The following ZNF600 variants were observed in gnomAD, a reference collection of about 807,000 sequenced individuals.
The protein encoded by ZNF600 is zinc finger protein KR-ZNF1.
Under a neutral mutation model 7.3 loss-of-function variants are expected in ZNF600, and 4 were observed. The observed-to-expected ratio is 0.55, with a 90% CI of 0.27 to 1.25. The LOEUF (loss-of-function observed/expected upper bound fraction) is 1.25, where lower values mean the gene tolerates loss of function less well. Ranked by LOEUF, ZNF600 falls within the 50% of genes most tolerant of loss-of-function variation. The probability of loss-of-function intolerance (pLI) is 0.12; values close to 1 mark genes in which losing one functional copy is unlikely to be tolerated. For missense variants in ZNF600, 911 were observed against 922.1 expected (o/e 0.99, Z 0.16); for synonymous variants, 290 against 308.9 (o/e 0.94, Z 0.64).
At chr19:52,801,492 T>A in the ZNF600 span, 3 of 1,614,136 alleles carry the variant, frequency 1.9e-6, no homozygotes, top group Non-Finnish European at 2.5e-6. Context: ...ACCAGTCAAC[T>A]CTTTGATTTC....
intron 2 of ZNF600, among the ~76,000 whole-genome samples, chr19:52,775,238 TC>T (rs1438523021): frequency 6.9e-6 from 1 of 145,140 alleles, no homozygotes; most frequent in Admixed American, 7.0e-5. Context: ...ACACTCCATC[TC>T]AAAAAACAAA....
chr19:52,776,416 C>CTT (rs111582666), intron 2 of ZNF600, among the ~76,000 whole-genome samples: 32 of 146,184 alleles, frequency 2.2e-4, no homozygotes, highest in African/African-American at 8.0e-4. Flanking sequence ...ATACTTCTTA[C>CTT]TTTTTTTTTT....
At chr19:52,811,426 C>T in the ZNF600 span, among the ~76,000 whole-genome samples, 14 of 147,386 alleles carry the variant, frequency 9.5e-5, no homozygotes, top group Non-Finnish European at 1.9e-4. Context: ...TGCCCGGCCG[C>T]CATCCCATCT....
intron 1 of ZNF600, among the ~76,000 whole-genome samples, chr19:52,780,323 G>A (rs1206582264): frequency 6.6e-6 from 1 of 152,176 alleles, no homozygotes; most frequent in Non-Finnish European, 1.5e-5. Flanking sequence ...AGGAAACCCG[G>A]AGAAGATGAT....
the ZNF600 span, among the ~76,000 whole-genome samples, chr19:52,815,466 G>A: frequency 8.9e-5 from 13 of 145,532 alleles, 1 homozygote; most frequent in African/African-American, 3.0e-4. Context: ...GCAGTGAGCC[G>A]AGATCATGCC....
chr19:52,784,037 T>C (rs537142796), intron 1 of ZNF600, among the ~76,000 whole-genome samples: 10 of 152,152 alleles, frequency 6.6e-5, no homozygotes, highest in Middle Eastern at 3.4e-3. Flanking sequence ...ATCGTGCCAG[T>C]GCACTCCAGC....
exon 4 of ZNF600, chr19:52,767,309 G>T (rs140475744): frequency 6.2e-7 from 1 of 1,613,998 alleles, no homozygotes; most frequent in Admixed American, 1.7e-5. Flanking sequence ...GTTTTTGTGG[G>T]AGTAGTGAAG....
the ZNF600 span, among the ~76,000 whole-genome samples, chr19:52,818,259 G>T: frequency 2.9e-4 from 44 of 152,248 alleles, no homozygotes; most frequent in Non-Finnish European, 5.1e-4. Context: ...TCCCCTTCAG[G>T]AAATCTCTAC....
the ZNF600 span, chr19:52,809,889 C>T: frequency 6.4e-6 from 5 of 784,076 alleles, no homozygotes. Flanking sequence ...GGGATCCAGG[C>T]CGGGGCGGCG....
the ZNF600 span, among the ~76,000 whole-genome samples, chr19:52,831,706 G>A: frequency 9.2e-5 from 14 of 151,912 alleles, no homozygotes; most frequent in African/African-American, 2.4e-4. Flanking sequence ...GGGTTTCACC[G>A]TGTTAGCCAG....
At chr19:52,799,796 T>C in the ZNF600 span, 15 of 1,612,972 alleles carry the variant, frequency 9.3e-6, no homozygotes, top group African/African-American at 2.0e-4. Flanking sequence ...CAGTATGAAC[T>C]CTCTGATGCT....
chr19:52,797,885 G>C, the ZNF600 span: 1 of 152,136 alleles, frequency 6.6e-6, no homozygotes, highest in South Asian at 2.1e-4. Flanking sequence ...CACTTCGGGA[G>C]GTAGAGGTGG....
chr19:52,792,540 G>A, the ZNF600 span, among the ~76,000 whole-genome samples: 1 of 151,866 alleles, frequency 6.6e-6, no homozygotes, highest in Non-Finnish European at 1.5e-5. Context: ...GCGACAAAAC[G>A]AGACTTCATC....
chr19:52,775,742 C>T (rs1176644664), intron 2 of ZNF600, among the ~76,000 whole-genome samples: 1 of 152,152 alleles, frequency 6.6e-6, no homozygotes, highest in East Asian at 1.9e-4. Flanking sequence ...GGCACAGTGG[C>T]TCATGCCTGT....
upstream of ZNF600, among the ~76,000 whole-genome samples, chr19:52,790,821 A>G (rs1022547203): frequency 1.3e-5 from 2 of 151,024 alleles, no homozygotes; most frequent in African/African-American, 2.4e-5. Flanking sequence ...TGAGTAGCTG[A>G]GATTACAGGC....
chr19:52,787,318 C>T (rs1034247739), upstream of ZNF600, among the ~76,000 whole-genome samples: 2 of 152,044 alleles, frequency 1.3e-5, no homozygotes, highest in African/African-American at 4.8e-5. Context: ...ATCCCTGAAC[C>T]TGGGGGTCCA....
At chr19:52,821,664 A>C in the ZNF600 span, 1 of 152,182 alleles carries the variant, frequency 6.6e-6, no homozygotes, top group Non-Finnish European at 1.5e-5. Context: ...GACAGAAACC[A>C]GGCCTGGGTG....
chr19:52,801,826 T>G, the ZNF600 span: 2 of 928,744 alleles, frequency 2.2e-6, no homozygotes, highest in Non-Finnish European at 3.2e-6. Context: ...CTTCAAAGTT[T>G]AAGAACACAA....
chr19:52,817,782 G>T, the ZNF600 span, among the ~76,000 whole-genome samples: 1 of 152,102 alleles, frequency 6.6e-6, no homozygotes, highest in African/African-American at 2.4e-5. Flanking sequence ...GGTCACCAGA[G>T]ATGGAATCTA....
Sources: allele counts gnomAD v4.1 joint callset (sites outside exome capture counted in the v4.1 genomes callset), GRCh38; gene constraint gnomAD v4.1.1; transcripts MANE v1.5; gene names NCBI Gene and HGNC (gene_info 2026-07-23, HGNC 2026-07-21).